Variants in TMEM181 observed in about 807,000 individuals in gnomAD.
TMEM181 encodes transmembrane protein 181, also known as G protein-coupled receptor 178.
TMEM181 carries 39 observed loss-of-function variants against 71.9 expected under a neutral mutation model. The ratio of observed to expected loss-of-function variants is 0.54; its 90% CI spans 0.42 to 0.71. The LOEUF is 0.71. Among genes scored for constraint, TMEM181 ranks in the 30% least tolerant of loss-of-function variants. The pLI is 0.00. For missense variants in TMEM181, 595 were observed against 583.0 expected (o/e 1.02, Z -0.21); for synonymous variants, 245 against 228.8 (o/e 1.07, Z -0.64).
In TMEM181 at chr6:158,625,084, G is replaced by T. The variant is rs141411357; in HGVS notation, c.955-20G>T. 1 of 1,589,740 alleles carries T rather than the reference G, an allele frequency of 6.3e-7. No homozygotes were observed. The highest frequency in any genetic ancestry group is 8.6e-7 in the Non-Finnish European group (1 of 1,157,728). Reference sequence around the variant, plus strand: ...ACAGAGGCCCTGTTCCGACTCAAGTGCTGCCTTGTGTCCTCCTAGGGAATG... The same window carrying T: ...ACAGAGGCCCTGTTCCGACTCAAGTTCTGCCTTGTGTCCTCCTAGGGAATG... On this transcript the variant is annotated intron_variant, in intron 11 of 16. Coordinates refer to ENST00000684151, the MANE Select transcript of TMEM181 (RefSeq NM_001376852.1).
chr6:158,540,363 C>T (rs1348235776), intron 1 of TMEM181, among the ~76,000 whole-genome samples: 3 of 152,206 alleles, frequency 2.0e-5, no homozygotes, highest in African/African-American at 4.8e-5. Context: ...CATTTGCTGT[C>T]GGGTATATGC....
At chr6:158,559,313 G>A (rs550863734), upstream of TMEM181, among the ~76,000 whole-genome samples, 1 of 152,164 alleles carries the variant, frequency 6.6e-6, no homozygotes, top group African/African-American at 2.4e-5. Context: ...CCTTATTCAT[G>A]TCCACACTTT....
rs74824728 is a variant in TMEM181 at position 158,539,024 on chromosome 6, G to A, written c.131+2159G>A. ...GATTTCACTGGGACTGCAGTGTGAA[G>A]CCACTAGAGGATTTTACACGGGACA... On this transcript the variant is annotated intron_variant, in intron 1 of 16. Transcript: ENST00000367090. Among the ~76,000 whole-genome samples, 412 of 152,334 alleles carry A rather than the reference G, an allele frequency of 2.7e-3. 1 individual carries two copies. The highest frequency in any genetic ancestry group is 9.5e-3 in the African/African-American group (394 of 41,574).
intron 2 of TMEM181, among the ~76,000 whole-genome samples, chr6:158,576,815 C>T (rs1223845054): frequency 1.3e-5 from 2 of 152,028 alleles, no homozygotes; most frequent in African/African-American, 4.8e-5. Context: ...GTAATCCCAG[C>T]ACTTTGGGAG....
intron 10 of TMEM181, among the ~76,000 whole-genome samples, chr6:158,615,997 G>T (rs983757581): frequency 2.0e-5 from 3 of 151,994 alleles, no homozygotes; most frequent in East Asian, 1.9e-4. Flanking sequence ...AAACTTTAAA[G>T]TAGTTTTTTC....
At chr6:158,562,173 T>C (rs1431602222) in intron 1 of TMEM181, among the ~76,000 whole-genome samples, 1 of 152,180 alleles carries the variant, frequency 6.6e-6, no homozygotes, top group Non-Finnish European at 1.5e-5. Context: ...GCCTGCTCTT[T>C]AAAAATGTAG....
chr6:158,563,611 G>A lies in TMEM181; in HGVS notation c.8+3379G>A, dbSNP rs138970493. Among the ~76,000 whole-genome samples the A allele has an allele frequency of 4.3e-3, 654 of 152,354 alleles. 5 individuals are homozygous for A. Among genetic ancestry groups the A allele is most frequent in the African/African-American group, 0.014 (594 of 41,592 alleles). ...GCTGAAATGGGGCTCACTGGCCAGCGTTTGACCTACTTCCTTGTTCCCTGT... is the reference window on the plus strand; with the variant it reads ...GCTGAAATGGGGCTCACTGGCCAGCATTTGACCTACTTCCTTGTTCCCTGT... On this transcript the variant is annotated intron_variant, in intron 1 of 16. Transcript: ENST00000684151.
At chr6:158,623,644 T>A in intron 11 of TMEM181, 37 bp downstream of exon 11, 1 of 1,433,832 alleles carries the variant, frequency 7.0e-7, no homozygotes, top group Non-Finnish European at 9.6e-7. Context: ...TTTTTCTTCT[T>A]AATGCTGTTT....
At chr6:158,625,409 G>A (rs35210925) in intron 12 of TMEM181, among the ~76,000 whole-genome samples, 24,086 of 152,066 alleles carry the variant, frequency 0.16, 2,063 homozygotes, top group African/African-American at 0.21. Flanking sequence ...GACCATCAGA[G>A]TGGCCTGGGT....
upstream of TMEM181, among the ~76,000 whole-genome samples, chr6:158,556,063 G>A (rs1201924769): frequency 1.3e-5 from 2 of 152,180 alleles, no homozygotes; most frequent in African/African-American, 4.8e-5. Context: ...TGTCAATTCT[G>A]CAGAAACCAG....
At chr6:158,542,638 T>C (rs1781394956) in intron 1 of TMEM181, among the ~76,000 whole-genome samples, 1 of 152,172 alleles carries the variant, frequency 6.6e-6, no homozygotes, top group South Asian at 2.1e-4. Context: ...AGAGTCTTGC[T>C]CTGTTGCCCA....
chr6:158,553,251 C>T (rs576312721), intron 1 of TMEM181, among the ~76,000 whole-genome samples: 1 of 151,306 alleles, frequency 6.6e-6, no homozygotes, highest in Non-Finnish European at 1.5e-5. Flanking sequence ...TTTAATTTAA[C>T]ATACCATAAA....
intron 10 of TMEM181, among the ~76,000 whole-genome samples, chr6:158,611,982 C>CT (rs1554228516): frequency 6.9e-6 from 1 of 145,680 alleles, no homozygotes; most frequent in East Asian, 3.4e-4. Flanking sequence ...GGATACCCCC[C>CT]CCACCTCCTA....
chr6:158,595,510 C>T (rs1414166272), intron 6 of TMEM181, among the ~76,000 whole-genome samples: 1 of 152,172 alleles, frequency 6.6e-6, no homozygotes, highest in Non-Finnish European at 1.5e-5. Context: ...CAGCGCAATT[C>T]TTAATAGCCA....
Position 158,628,441 on chromosome 6 carries a change from A to AG in TMEM181, c.1144dup (p.Val382GlyfsTer47), listed in dbSNP as rs1225656502. 1 of 1,614,076 alleles carries AG rather than the reference A, an allele frequency of 6.2e-7. No homozygotes were observed. The highest frequency in any genetic ancestry group is 1.3e-5 in the African/African-American group (1 of 74,928). On this transcript the variant is annotated frameshift_variant, in exon 14 of 17. Transcript: ENST00000684151. LOFTEE classifies it high-confidence loss of function. ...TCCTTTATTTGAGATTTGGGGCGCAAGTACTACAAGACAATTTTGTAGCAG... is the reference window on the plus strand; with the variant it reads ...TCCTTTATTTGAGATTTGGGGCGCAAGGTACTACAAGACAATTTTGTAGCAG...
chr6:158,571,339 G>A (rs149556092), intron 1 of TMEM181, among the ~76,000 whole-genome samples: 7 of 149,558 alleles, frequency 4.7e-5, no homozygotes, highest in East Asian at 4.0e-4. Flanking sequence ...CTTGTGATCC[G>A]CCCACCTTGG....
intron 5 of TMEM181, among the ~76,000 whole-genome samples, chr6:158,586,145 G>T (rs1469382666): frequency 6.6e-6 from 1 of 152,190 alleles, no homozygotes. Context: ...GTGGCTAAGG[G>T]ATAGGAAACC....
intron 5 of TMEM181, among the ~76,000 whole-genome samples, chr6:158,587,929 T>G (rs1483514248): frequency 1.3e-5 from 2 of 152,176 alleles, no homozygotes; most frequent in Non-Finnish European, 2.9e-5. Flanking sequence ...AAAAATGTAT[T>G]TACAGATTTT....
chr6:158,564,387 G>A (rs1782365917), intron 1 of TMEM181, among the ~76,000 whole-genome samples: 1 of 152,146 alleles, frequency 6.6e-6, no homozygotes, highest in African/African-American at 2.4e-5. Flanking sequence ...TCCCACCTGT[G>A]AAATGGGCCG....
Sources: gnomAD v4.1 joint callset for allele counts (sites outside exome capture counted in the v4.1 genomes callset) on GRCh38, gnomAD v4.1.1 for gene constraint, MANE v1.5 for transcripts, NCBI Gene and HGNC (gene_info 2026-07-23, HGNC 2026-07-21) for gene names.